Variants in MAP3K19 observed in about 807,000 individuals in gnomAD.
MAP3K19 encodes mitogen-activated protein kinase kinase kinase 19, also known as SPS1/STE20-related protein kinase YSK4.
MAP3K19 carries 91 observed loss-of-function variants against 114.4 expected under a neutral mutation model. The ratio of observed to expected loss-of-function variants is 0.80; its 90% confidence interval spans 0.67 to 0.95. The LOEUF is 0.95. Among genes scored for constraint, MAP3K19 ranks in the 40% least tolerant of loss-of-function variants. The pLI is 0.00. For missense variants in MAP3K19, 1,471 were observed against 1,573.2 expected (o/e 0.94, Z 1.10); for synonymous variants, 518 against 530.5 (o/e 0.98, Z 0.32).
chr2:134,998,805 G>A lies in MAP3K19; in HGVS notation c.507C>T (p.Asn169=), dbSNP rs754801970. Residue 169 remains asparagine, a synonymous_variant, in exon 8 of 13, where the codon AAC becomes AAT. Transcript: ENST00000392915. The part of the protein sequence containing the change: ...FLLPRSCLEL[N]ISKSVTREDA... ...CTTCTCTGGTTACAGACTTGGAAATGTTCAGTTCTAAACAAGATCTTGGTA... is the reference window on the plus strand; with the variant it reads ...CTTCTCTGGTTACAGACTTGGAAATATTCAGTTCTAAACAAGATCTTGGTA... 2 of 1,613,934 alleles carry A rather than the reference G, an allele frequency of 1.2e-6. No individual in the cohort carries two copies. The highest frequency in any genetic ancestry group is 1.7e-6 in the Non-Finnish European group (2 of 1,179,944).
At chr2:135,012,595 T>C (rs1687305378) in intron 5 of MAP3K19, among the ~76,000 whole-genome samples, 1 of 152,172 alleles carries the variant, frequency 6.6e-6, no homozygotes, top group Non-Finnish European at 1.5e-5. Context: ...GGTAAAAGAC[T>C]TATACCGAGA....
At chr2:135,042,940 G>A (rs574213034) in intron 1 of MAP3K19, among the ~76,000 whole-genome samples, 28 of 152,056 alleles carry the variant, frequency 1.8e-4, no homozygotes, top group East Asian at 9.7e-4. Flanking sequence ...AACATTACCC[G>A]GGTGTGGTGG....
chr2:134,968,348 A>C (rs1213578016), intron 12 of MAP3K19, among the ~76,000 whole-genome samples: 1 of 151,466 alleles, frequency 6.6e-6, no homozygotes, highest in African/African-American at 2.4e-5. Context: ...CATTGTCATC[A>C]TGGCCCGTTC....
At position 135,021,715 on chromosome 2, in the gene MAP3K19, C is replaced by T. The variant is rs1486249646; in HGVS notation, c.138G>A (p.Glu46=). The T allele has an allele frequency of 6.3e-7, 1 of 1,593,008 alleles. No individual in the cohort carries two copies. The highest frequency in any genetic ancestry group is 1.7e-5 in the Admixed American group (1 of 58,930). The part of the protein sequence containing the change: ...NIILQSISRS[E]EFDQDGDCSH... ...TGTTTCTTTAAAGGGAGGCTCTTAC[C>T]TCACTTCTGCTGATGCTTTGCAAGA... is the stretch of plus-strand genomic sequence containing the variant. Residue 46 remains glutamate, a splice_region_variant and synonymous_variant, in exon 5 of 13, where the codon GAG becomes GAA. Transcript: ENST00000392915.
chr2:135,015,786 G>A (rs1461998501), intron 5 of MAP3K19, among the ~76,000 whole-genome samples: 5 of 151,936 alleles, frequency 3.3e-5, no homozygotes, highest in Non-Finnish European at 7.4e-5. Context: ...CCAGCAACTC[G>A]GGAGGCGGAG....
At chr2:135,003,726 G>C (rs1046721138) in intron 6 of MAP3K19, among the ~76,000 whole-genome samples, 2 of 151,836 alleles carry the variant, frequency 1.3e-5, no homozygotes, top group African/African-American at 4.8e-5. Context: ...GGCTAATTTT[G>C]TATTTTTAGT....
intron 8 of MAP3K19, among the ~76,000 whole-genome samples, chr2:134,996,470 A>G (rs2105278692): frequency 6.6e-6 from 1 of 152,264 alleles, no homozygotes; most frequent in Admixed American, 6.5e-5. Flanking sequence ...GTAAACAAAT[A>G]GTGACAATTA....
At chr2:135,033,374 C>A in intron 2 of MAP3K19, among the ~76,000 whole-genome samples, 1 of 108,830 alleles carries the variant, frequency 9.2e-6, no homozygotes, top group African/African-American at 4.9e-5. Context: ...GGGGGGCTGA[C>A]CCCCCCCACT....
intron 8 of MAP3K19, among the ~76,000 whole-genome samples, chr2:134,997,262 T>C (rs1686064904): frequency 6.6e-6 from 1 of 152,192 alleles, no homozygotes; most frequent in African/African-American, 2.4e-5. Context: ...ATGATTCCAT[T>C]TCTATAAAAG....
At chr2:134,977,842 G>A (rs1231486945) in intron 12 of MAP3K19, among the ~76,000 whole-genome samples, 1 of 152,128 alleles carries the variant, frequency 6.6e-6, no homozygotes, top group Non-Finnish European at 1.5e-5. Flanking sequence ...ACAAGGCTAA[G>A]CTCGGTGACT....
At chr2:135,027,531 T>G (rs1223599302) in intron 3 of MAP3K19, among the ~76,000 whole-genome samples, 2 of 152,200 alleles carry the variant, frequency 1.3e-5, no homozygotes, top group African/African-American at 4.8e-5. Flanking sequence ...ACTGCTCATA[T>G]TCACGCATGA....
At position 134,983,751 on chromosome 2, in the gene MAP3K19, A is replaced by G. The variant is rs746949771; in HGVS notation, c.3147T>C (p.Ser1049=). Residue 1049 remains serine (S), a synonymous_variant, in exon 11 of 13, where the codon TCT becomes TCC. Transcript: ENST00000392915. The stretch of plus-strand genomic sequence containing the variant: ...GTTCTTCAGACTTTAAACTATTTTC[A>G]GAAAATATCTTCTTTTCATTTGAGA... ...FLISNEKKIF[S]ENSLKSEEPI... 9.3e-6 allele frequency: 15 copies of G among 1,607,576 alleles called. No individual in the cohort carries two copies. The South Asian group carries it at 1.1e-4, about 12-fold the overall frequency.
chr2:134,974,444 C>G (rs1559137655), intron 12 of MAP3K19, among the ~76,000 whole-genome samples: 1 of 152,096 alleles, frequency 6.6e-6, no homozygotes, highest in Non-Finnish European at 1.5e-5. Context: ...TTGTCTTTGA[C>G]TTTTGACAGT....
chr2:135,027,277 G>C (rs1688277230), intron 3 of MAP3K19, among the ~76,000 whole-genome samples: 1 of 149,688 alleles, frequency 6.7e-6, no homozygotes, highest in Non-Finnish European at 1.5e-5. Flanking sequence ...AAGAGAGAGA[G>C]AGAGAAAGGA....
chr2:134,971,132 G>A (rs1456135800), intron 12 of MAP3K19, among the ~76,000 whole-genome samples: 2 of 152,212 alleles, frequency 1.3e-5, no homozygotes, highest in Non-Finnish European at 2.9e-5. Flanking sequence ...ACAAAGGGAT[G>A]TTGGATTTTA....
intron 4 of MAP3K19, chr2:135,023,764 C>T (rs564438168): frequency 3.7e-4 from 125 of 336,882 alleles, no homozygotes; most frequent in African/African-American, 2.6e-3. Context: ...TACATATGGG[C>T]ACTTCTATAA....
intron 6 of MAP3K19, among the ~76,000 whole-genome samples, chr2:135,000,494 T>G (rs532863834): frequency 6.6e-6 from 1 of 152,356 alleles, no homozygotes; most frequent in Admixed American, 6.5e-5. Context: ...TTGCTCACAA[T>G]ATAAGATGTT....
Position 134,987,181 on chromosome 2 carries a change from ATGG to A in MAP3K19, c.1688_1690del (p.Thr563del). The A allele has an allele frequency of 6.2e-7, 1 of 1,614,210 alleles. No homozygotes were observed. Among genetic ancestry groups the A allele is most frequent in the Non-Finnish European group, 8.5e-7 (1 of 1,180,042 alleles). On this transcript the variant is annotated inframe_deletion, in exon 10 of 13. Coordinates refer to ENST00000392915, the MANE Select transcript of MAP3K19 (RefSeq NM_025052.5). ...TTGTGTTTTTATGCTGGTTTTATGC[ATGG>A]TAGGCTTAATGGGACCTTCAGTAGA...
At chr2:135,023,913 T>C in intron 4 of MAP3K19, among the ~76,000 whole-genome samples, 1 of 152,092 alleles carries the variant, frequency 6.6e-6, no homozygotes, top group Non-Finnish European at 1.5e-5. Flanking sequence ...AAAAAAGTGA[T>C]GTCCTTCAGC....
Sources: allele counts gnomAD v4.1 joint callset (sites outside exome capture counted in the v4.1 genomes callset), GRCh38; gene constraint gnomAD v4.1.1; transcripts MANE v1.5; gene names NCBI Gene and HGNC (gene_info 2026-07-23, HGNC 2026-07-21).